The following OR14A2 variants were observed in gnomAD, a reference collection of about 807,000 sequenced individuals.
OR14A2 encodes the protein olfactory receptor 14A2.
For synonymous variants in OR14A2, 114 were observed against 58.6 expected (o/e 1.95, Z -4.32); for missense variants, 237 against 152.9 (o/e 1.55, Z -2.90).
upstream of OR14A2, among the ~76,000 whole-genome samples, chr1:247,724,258 G>A (rs148627754): frequency 9.7e-4 from 147 of 152,126 alleles, no homozygotes; most frequent in African/African-American, 3.1e-3. Flanking sequence ...TGAGTAATGT[G>A]TAAATTCCAT....
At chr1:247,725,125 T>G (rs1660306218), upstream of OR14A2, among the ~76,000 whole-genome samples, 1 of 152,024 alleles carries the variant, frequency 6.6e-6, no homozygotes, top group Non-Finnish European at 1.5e-5. Flanking sequence ...GGGGAGGCAT[T>G]AAGATAATAC....
At chr1:247,725,459 C>T (rs2103202106), upstream of OR14A2, among the ~76,000 whole-genome samples, 1 of 150,398 alleles carries the variant, frequency 6.6e-6, no homozygotes, top group East Asian at 2.0e-4. Flanking sequence ...TTTTGTCTGC[C>T]CTAAATTTCC....
the OR14A2 span, among the ~76,000 whole-genome samples, chr1:247,743,864 T>G: frequency 1.3e-5 from 2 of 152,218 alleles, no homozygotes; most frequent in African/African-American, 4.8e-5. Flanking sequence ...TTCTGTTTCA[T>G]TGAAGGTTTA....
the OR14A2 span, among the ~76,000 whole-genome samples, chr1:247,742,497 C>T: frequency 6.6e-6 from 1 of 152,032 alleles, no homozygotes; most frequent in Non-Finnish European, 1.5e-5. Context: ...GAAGTGGAGA[C>T]TGTGTTCACC....
chr1:247,727,007 G>GTGA (rs1558307057), upstream of OR14A2, among the ~76,000 whole-genome samples: 4 of 150,146 alleles, frequency 2.7e-5, no homozygotes, highest in Non-Finnish European at 5.9e-5. Flanking sequence ...GATTGCCTTG[G>GTGA]CGATGCGGGC....
upstream of OR14A2, among the ~76,000 whole-genome samples, chr1:247,724,388 T>C (rs779823701): frequency 2.0e-5 from 3 of 152,290 alleles, no homozygotes; most frequent in Non-Finnish European, 4.4e-5. Flanking sequence ...CAAATTATTA[T>C]TATGCCATGC....
chr1:247,745,656 A>G, the OR14A2 span, among the ~76,000 whole-genome samples: 3 of 152,136 alleles, frequency 2.0e-5, no homozygotes, highest in Admixed American at 1.3e-4. Context: ...TAATATATAG[A>G]AAACTTAAGC....
chr1:247,725,675 TC>T (rs1390002822), upstream of OR14A2, among the ~76,000 whole-genome samples: 1 of 94,028 alleles, frequency 1.1e-5, no homozygotes, highest in Non-Finnish European at 2.0e-5. Flanking sequence ...ATGCTATCCC[TC>T]CCCCCTCCCC....
the OR14A2 span, among the ~76,000 whole-genome samples, chr1:247,730,733 A>G: frequency 6.6e-6 from 1 of 152,080 alleles, no homozygotes; most frequent in Non-Finnish European, 1.5e-5. Flanking sequence ...AAATATATAT[A>G]TTTGAAGGCC....
the OR14A2 span, chr1:247,746,307 C>A: frequency 0.052 from 7,890 of 152,162 alleles, 275 homozygotes; most frequent in Middle Eastern, 0.12. Flanking sequence ...TAGCTCGAAG[C>A]CCACAATAGT....
the OR14A2 span, chr1:247,739,652 T>A: frequency 1.6e-6 from 1 of 624,102 alleles, no homozygotes; most frequent in East Asian, 2.7e-5. Context: ...GATAAAAATG[T>A]CATGGAGTCT....
the OR14A2 span, among the ~76,000 whole-genome samples, chr1:247,738,378 T>A: frequency 6.6e-6 from 1 of 152,230 alleles, no homozygotes; most frequent in Non-Finnish European, 1.5e-5. Flanking sequence ...TGAAGTTCTT[T>A]GCTTCTTTCA....
the OR14A2 span, among the ~76,000 whole-genome samples, chr1:247,732,848 G>T: frequency 1.3e-5 from 2 of 152,100 alleles, no homozygotes; most frequent in Non-Finnish European, 2.9e-5. Flanking sequence ...TGAAAGTCTG[G>T]CTTCTTTCAG....
chr1:247,739,235 A>G, the OR14A2 span: 1 of 780,572 alleles, frequency 1.3e-6, no homozygotes, highest in African/African-American at 1.7e-5. Context: ...ATGCATTTTC[A>G]TGTTTAGTTT....
At chr1:247,745,646 T>C in the OR14A2 span, among the ~76,000 whole-genome samples, 1 of 152,162 alleles carries the variant, frequency 6.6e-6, no homozygotes, top group East Asian at 1.9e-4. Context: ...CTAAATTTTC[T>C]AATATATAGA....
chr1:247,735,914 T>A, the OR14A2 span, among the ~76,000 whole-genome samples: 1 of 152,206 alleles, frequency 6.6e-6, no homozygotes, highest in African/African-American at 2.4e-5. Context: ...CCTAAATTAC[T>A]TAGACATTTC....
the OR14A2 span, chr1:247,739,344 A>G: frequency 1.3e-6 from 1 of 780,744 alleles, no homozygotes; most frequent in Non-Finnish European, 2.4e-6. Context: ...GCCTCACCTC[A>G]TTGTTGTCAC....
At chr1:247,739,586 T>C in the OR14A2 span, 1 of 745,428 alleles carries the variant, frequency 1.3e-6, no homozygotes, top group Non-Finnish European at 2.5e-6. Flanking sequence ...GAAGTAACTT[T>C]TTTTGTTGTT....
chr1:247,747,390 C>T, the OR14A2 span, among the ~76,000 whole-genome samples: 12 of 144,922 alleles, frequency 8.3e-5, no homozygotes, highest in South Asian at 2.6e-3. Flanking sequence ...GAGACGGAGT[C>T]TCGCTCTGTT....
Sources: gnomAD v4.1 joint callset for allele counts (sites outside exome capture counted in the v4.1 genomes callset) on GRCh38, gnomAD v4.1.1 for gene constraint, MANE v1.5 for transcripts, NCBI Gene and HGNC (gene_info 2026-07-23, HGNC 2026-07-21) for gene names.